ELFN1: variants seen among roughly 807,000 people sequenced by gnomAD.
ELFN1 encodes the protein extracellular leucine rich repeat and fibronectin type III domain containing 1.
ELFN1 carries 6 observed loss-of-function variants against 7.6 expected under a neutral mutation model. That is an observed-to-expected ratio of 0.79 (90% CI 0.43 to 1.56). The LOEUF (loss-of-function observed/expected upper bound fraction) is 1.56. ELFN1 is among the 40% of genes most tolerant of loss of function. ELFN1 has a pLI of 0.01. For missense variants in ELFN1, 1,169 were observed against 1,232.2 expected, an observed-to-expected ratio of 0.95 and a Z score of 0.77; for synonymous variants, 657 against 588.1, an observed-to-expected ratio of 1.12 and a Z score of -1.70.
chr7:1,695,952 G>A lies in ELFN1; in HGVS notation c.-456+7802G>A, dbSNP rs1256152094. On this transcript the variant is annotated intron_variant, in intron 2 of 3. Transcript: ENST00000424383. This position sits in a 1 kb window ranked among gnomAD's most constrained non-coding sequence, Gnocchi z 5.1. ...AGGCTGGTTTAGATGTGGGGGCACA[G>A]CAGTGAGCAGGGCAGACCTGACTCC... is the stretch of plus-strand genomic sequence containing the variant. 6.6e-6 allele frequency among the ~76,000 whole-genome samples: 1 copy of A among 152,132 alleles called. No homozygotes were observed. The highest frequency in any genetic ancestry group is 1.5e-5 in the Non-Finnish European group (1 of 68,038).
intron 3 of ELFN1, among the ~76,000 whole-genome samples, chr7:1,728,426 T>G (rs1583382659): frequency 1.3e-5 from 2 of 152,214 alleles, no homozygotes; most frequent in South Asian, 4.1e-4. Context: ...ATGCGGAGGG[T>G]TTGCAGAGCT....
intron 3 of ELFN1, among the ~76,000 whole-genome samples, chr7:1,720,432 G>A (rs1172344017): frequency 6.6e-6 from 1 of 152,206 alleles, no homozygotes; most frequent in African/African-American, 2.4e-5. Flanking sequence ...CAAGCCTCAG[G>A]AATGGGTCCC....
Position 1,745,305 on chromosome 7 carries a change from C to A in ELFN1, c.709C>A (p.Arg237Ser). The A allele has an allele frequency of 6.5e-7, 1 of 1,538,684 alleles. No homozygotes were observed. Among genetic ancestry groups the A allele is most frequent in the Non-Finnish European group, 8.7e-7 (1 of 1,146,792 alleles). The change falls in exon 4 of 4, where the codon CGC (arginine) becomes AGC (serine). Residue 237 changes from arginine to serine, a missense_variant. Arg to Ser is a moderately radical substitution (Grantham distance 110). Coordinates refer to ENST00000424383, the MANE Select transcript of ELFN1 (RefSeq NM_001128636.4). ...SGYYLLGQGR[R>S]GHRSILSKLQ... Reference sequence around the variant, plus strand: ...CTACTACCTCCTGGGCCAGGGCCGCCGCGGCCACCGCAGCATCCTCAGCAA... The same window carrying A: ...CTACTACCTCCTGGGCCAGGGCCGCAGCGGCCACCGCAGCATCCTCAGCAA...
At chr7:1,742,543 G>A (rs780589411) in intron 3 of ELFN1, among the ~76,000 whole-genome samples, 6 of 152,228 alleles carry the variant, frequency 3.9e-5, no homozygotes, top group South Asian at 2.1e-4. Flanking sequence ...CCAAGACAGC[G>A]CTGACTCCCG....
At chr7:1,713,014 G>A (rs1779709358) in intron 3 of ELFN1, among the ~76,000 whole-genome samples, 1 of 152,168 alleles carries the variant, frequency 6.6e-6, no homozygotes, top group Non-Finnish European at 1.5e-5. Context: ...AGCAGTCTCC[G>A]GAACACCGAT....
At chr7:1,726,058 T>TAC (rs571977372) in intron 3 of ELFN1, among the ~76,000 whole-genome samples, 10 of 151,310 alleles carry the variant, frequency 6.6e-5, no homozygotes, top group African/African-American at 1.9e-4. Flanking sequence ...TCACACACAA[T>TAC]ACACACACAC....
rs1318367396 is a variant in ELFN1 at position 1,746,974 on chromosome 7, T to C, written c.2378T>C (p.Phe793Ser). 1 of 1,556,842 alleles carries C rather than the reference T, an allele frequency of 6.4e-7. No individual in the cohort carries two copies. The highest frequency in any genetic ancestry group is 2.4e-5 in the East Asian group (1 of 41,290). ...SRRRHKEEEE[F>S]MAAGHALRKK... ...CGGCGGCACAAGGAGGAAGAGGAGT[T>C]CATGGCCGCGGGCCATGCCCTGCGC... Residue 793 changes from phenylalanine (F) to serine (S), a missense_variant, in exon 4 of 4, where the codon TTC (phenylalanine) becomes TCC (serine). Physicochemically the swap from Phe to Ser is radical, Grantham distance 155. Coordinates refer to ENST00000424383, the MANE Select transcript of ELFN1 (RefSeq NM_001128636.4).
chr7:1,681,031 T>G (rs1379774831), intron 1 of ELFN1, among the ~76,000 whole-genome samples: 1 of 151,926 alleles, frequency 6.6e-6, no homozygotes, highest in Non-Finnish European at 1.5e-5. Context: ...CGTGAGCCAC[T>G]GCGCCCAGCC....
intron 3 of ELFN1, among the ~76,000 whole-genome samples, chr7:1,728,490 C>G (rs1780254767): frequency 6.6e-6 from 1 of 152,258 alleles, no homozygotes; most frequent in African/African-American, 2.4e-5. Flanking sequence ...CCTCTTCACT[C>G]AGGGTCCTGG....
intron 2 of ELFN1, among the ~76,000 whole-genome samples, chr7:1,707,466 A>C (rs1001878892): frequency 2.0e-5 from 3 of 152,176 alleles, no homozygotes; most frequent in African/African-American, 7.2e-5. Context: ...CTGCCCTCCC[A>C]GCGCGGGAAG....
At chr7:1,742,457 C>T (rs528784449) in intron 3 of ELFN1, among the ~76,000 whole-genome samples, 21 of 152,300 alleles carry the variant, frequency 1.4e-4, no homozygotes, top group African/African-American at 4.8e-4. Context: ...TGTCTGGGCA[C>T]GGTGCAGGGA....
intron 3 of ELFN1, among the ~76,000 whole-genome samples, chr7:1,724,270 G>A (rs1292338780): frequency 6.6e-6 from 1 of 152,162 alleles, no homozygotes; most frequent in Non-Finnish European, 1.5e-5. Flanking sequence ...CTTCATCGTG[G>A]CTAAGCAGTG....
chr7:1,699,934 A>G (rs1779391184), intron 2 of ELFN1, among the ~76,000 whole-genome samples: 1 of 152,182 alleles, frequency 6.6e-6, no homozygotes, highest in Non-Finnish European at 1.5e-5. Context: ...TCCTGAGCTC[A>G]GGTGACCCGC....
chr7:1,675,797 C>T (rs1201198708), intron 1 of ELFN1, among the ~76,000 whole-genome samples: 3 of 152,238 alleles, frequency 2.0e-5, no homozygotes, highest in Admixed American at 2.0e-4. Flanking sequence ...GCTGTCGAGA[C>T]ACAGCCCGAA....
chr7:1,686,911 C>T (rs376756421), intron 1 of ELFN1, among the ~76,000 whole-genome samples: 2 of 152,104 alleles, frequency 1.3e-5, no homozygotes, highest in Non-Finnish European at 2.9e-5. Context: ...ATTGCTGCCC[C>T]AGTCAGGATC....
chr7:1,744,076 G>A (rs1425272830), intron 3 of ELFN1, among the ~76,000 whole-genome samples: 3 of 152,164 alleles, frequency 2.0e-5, no homozygotes, highest in African/African-American at 4.8e-5. Flanking sequence ...ACCCCTCCAC[G>A]GGAGGGTGAA....
chr7:1,734,440 G>C (rs1780391690), intron 3 of ELFN1, among the ~76,000 whole-genome samples: 1 of 152,186 alleles, frequency 6.6e-6, no homozygotes, highest in Admixed American at 6.5e-5. Context: ...ATTAACTCCA[G>C]AGCAGCCCGG....
upstream of ELFN1, among the ~76,000 whole-genome samples, chr7:1,667,171 C>T (rs116509768): frequency 2.8e-3 from 426 of 152,106 alleles, no homozygotes; most frequent in African/African-American, 9.7e-3. The surrounding 1 kb of genome is among the most constrained non-coding windows in gnomAD (Gnocchi z 8.2). Context: ...ACGGTGGCCA[C>T]CCGGTCACGG....
At chr7:1,742,704 G>A (rs1382381827) in intron 3 of ELFN1, among the ~76,000 whole-genome samples, 1 of 152,216 alleles carries the variant, frequency 6.6e-6, no homozygotes, top group Non-Finnish European at 1.5e-5. Flanking sequence ...CCCTGGGTTA[G>A]CTCCCCGAGG....
Sources: gnomAD v4.1 joint callset for allele counts (sites outside exome capture counted in the v4.1 genomes callset) on GRCh38, gnomAD v4.1.1 for gene constraint, Gnocchi (gnomAD v3.1) non-coding constraint, MANE v1.5 for transcripts, NCBI Gene and HGNC (gene_info 2026-07-23, HGNC 2026-07-21) for gene names.